KLHL31: variants seen among roughly 807,000 people sequenced by gnomAD.
KLHL31 encodes kelch like family member 31.
Under a neutral mutation model 47.1 loss-of-function variants are expected in KLHL31, and 32 were observed. That is an observed-to-expected ratio of 0.68 (90% confidence interval 0.51 to 0.91). The LOEUF (loss-of-function observed/expected upper bound fraction) is 0.91, where lower values mean the gene tolerates loss of function less well. KLHL31 is among the 40% of genes least tolerant of loss of function. KLHL31 has a pLI of 0.00. For missense variants in KLHL31, 797 were observed against 819.3 expected (o/e 0.97, Z 0.33); for synonymous variants, 330 against 325.1 (o/e 1.01, Z -0.16).
rs759076475 is a variant in KLHL31 at position 53,651,399 on chromosome 6, TAAAA to T, written c.*195_*198del. On this transcript the variant is annotated 3_prime_UTR_variant, in exon 3 of 3. Transcript: ENST00000370905. ...TGTTGGCCATTGCCCTGTATTTTGC[TAAAA>T]AAAAAAAAAAAAAAAAGAGGTAGAT... 55 of 67,474 alleles carry T rather than the reference TAAAA, an allele frequency of 8.2e-4. No homozygotes were observed. The highest frequency in any genetic ancestry group is 3.7e-3 in the East Asian group (7 of 1,872). The allele number at this position is 67,474 out of a possible 1,614,324, so 4.2% of individuals were successfully genotyped here.
chr6:53,664,195 T>G (rs1473722307), intron 1 of KLHL31, among the ~76,000 whole-genome samples: 1 of 152,222 alleles, frequency 6.6e-6, no homozygotes, highest in African/African-American at 2.4e-5. Context: ...CATTTGCATT[T>G]CAGATAAACT....
intron 1 of KLHL31, among the ~76,000 whole-genome samples, chr6:53,663,410 A>G (rs1015004209): frequency 5.3e-5 from 8 of 152,228 alleles, no homozygotes; most frequent in African/African-American, 1.9e-4. Flanking sequence ...TCTTTATCCT[A>G]TTAAGGGTAG....
In KLHL31 at chr6:53,655,088, C is replaced by A. The variant is rs774177167; in HGVS notation, c.185G>T (p.Gly62Val). The change falls in exon 2 of 3, where the codon GGT becomes GTT. Residue 62 changes from glycine (G) to valine (V), a missense_variant. Coordinates refer to ENST00000370905, the MANE Select transcript of KLHL31 (RefSeq NM_001003760.5). ...DASYGPNLLE[G>V]LSKMRQENFL... ...GTTCTCCTGCCGCATTTTACTTAAA[C>A]CTTCCAAGAGGTTGGGGCCATAAGA... 1 of 1,614,024 alleles carries A rather than the reference C, an allele frequency of 6.2e-7. No individual in the cohort carries two copies. Among genetic ancestry groups the A allele is most frequent in the South Asian group, 1.1e-5 (1 of 91,010 alleles).
At chr6:53,662,059 C>G (rs181923123) in intron 1 of KLHL31, among the ~76,000 whole-genome samples, 33 of 152,082 alleles carry the variant, frequency 2.2e-4, no homozygotes, top group African/African-American at 7.7e-4. Context: ...AGCTTGGTAG[C>G]CAGGGTCCAA....
intron 1 of KLHL31, among the ~76,000 whole-genome samples, chr6:53,656,931 CTTTTTTT>C (rs10665063): frequency 1.0e-5 from 1 of 98,438 alleles, no homozygotes; most frequent in Non-Finnish European, 1.9e-5. Flanking sequence ...GTATTTTTAA[CTTTTTTT>C]TTTTTTTTTT....
In KLHL31 at chr6:53,664,882, C is replaced by T. The variant is rs554805448; in HGVS notation, c.-34+719G>A. On this transcript the variant is annotated intron_variant, in intron 1 of 2. Transcript: ENST00000370905. ...CCTCCAGGAATAGAAACCCTCCTGG[C>T]TTCTGTGGCTTGCCATTTTAAGTCC... 3.3e-5 allele frequency among the ~76,000 whole-genome samples: 5 copies of T among 152,284 alleles called. No individual in the cohort carries two copies. The South Asian group carries it at 6.2e-4, about 19-fold the overall frequency.
At chr6:53,653,778 C>T (rs990251268) in intron 2 of KLHL31, among the ~76,000 whole-genome samples, 4 of 152,058 alleles carry the variant, frequency 2.6e-5, no homozygotes, top group African/African-American at 9.7e-5. Flanking sequence ...GTGAAGAGTA[C>T]CCAACTAGAA....
At position 53,654,676 on chromosome 6, in the gene KLHL31, G is replaced by T. The variant is rs1764528983; in HGVS notation, c.597C>A (p.Phe199Leu). 2.5e-6 allele frequency: 4 copies of T among 1,614,144 alleles called. No individual in the cohort carries two copies. Among genetic ancestry groups the T allele is most frequent in the Non-Finnish European group, 3.4e-6 (4 of 1,180,016 alleles). The change falls in exon 2 of 3, where the codon TTC becomes TTA. Residue 199 changes from phenylalanine to leucine, a missense_variant. Coordinates refer to ENST00000370905, the MANE Select transcript of KLHL31 (RefSeq NM_001003760.5). Reference protein sequence around the residue: ...AAAQKFIRDNFLEFAESDQFM... With the variant: ...AAAQKFIRDNLLEFAESDQFM... ...ACTGATCCGATTCTGCAAATTCAAG[G>T]AAGTTATCCCGAATAAATTTCTGGG...
Position 53,649,119 on chromosome 6 carries a change from G to C in KLHL31, c.*2479C>G, listed in dbSNP as rs1359525119. 1 of 152,138 alleles carries C rather than the reference G, an allele frequency of 6.6e-6. No homozygotes were observed. Among genetic ancestry groups the C allele is most frequent in the African/African-American group, 2.4e-5 (1 of 41,448 alleles). 9.4% of individuals were successfully genotyped at this position (152,138 alleles called of 1,614,324 possible). ...GTTTCTAGGAGCAACTGCTTCAATA[G>C]TTGGTGTAAAGAATATGTTTCACTT... On this transcript the variant is annotated 3_prime_UTR_variant, in exon 3 of 3. Transcript: ENST00000370905.
intron 1 of KLHL31, among the ~76,000 whole-genome samples, chr6:53,659,847 GCT>G (rs1764620785): frequency 6.6e-6 from 1 of 152,082 alleles, no homozygotes; most frequent in African/African-American, 2.4e-5. Flanking sequence ...ATCAGTAAAA[GCT>G]CTCTCTCTCC....
At chr6:53,656,251 C>T (rs1764559427) in intron 1 of KLHL31, among the ~76,000 whole-genome samples, 1 of 152,108 alleles carries the variant, frequency 6.6e-6, no homozygotes, top group Admixed American at 6.5e-5. Flanking sequence ...GTTGCTACCT[C>T]TATAAGATAT....
Position 53,654,151 on chromosome 6 carries a change from G to T in KLHL31, c.1122C>A (p.Asp374Glu). Reference protein sequence around the residue: ...DGFLYVAGGEDQNDARNQAKH... With the variant: ...DGFLYVAGGEEQNDARNQAKH... Reference sequence around the variant, plus strand: ...TGGCTTGATTTCTTGCATCATTCTGGTCTTCACCACCGGCTACATAAAGAA... The same window carrying T: ...TGGCTTGATTTCTTGCATCATTCTGTTCTTCACCACCGGCTACATAAAGAA... The change falls in exon 2 of 3, where the codon GAC (aspartate) becomes GAA (glutamate). Residue 374 changes from aspartate to glutamate, a missense_variant. Coordinates refer to ENST00000370905, the MANE Select transcript of KLHL31 (RefSeq NM_001003760.5). 1.9e-6 allele frequency: 3 copies of T among 1,613,372 alleles called. No individual in the cohort carries two copies. The highest frequency in any genetic ancestry group is 2.5e-6 in the Non-Finnish European group (3 of 1,179,692).
chr6:53,654,215 GC>G lies in KLHL31; in HGVS notation c.1057del (p.Ala353ProfsTer10), dbSNP rs1561983904. The G allele has an allele frequency of 1.2e-6, 2 of 1,614,142 alleles. No individual in the cohort carries two copies. Among genetic ancestry groups the G allele is most frequent in the Non-Finnish European group, 1.7e-6 (2 of 1,180,030 alleles). On this transcript the variant is annotated frameshift_variant, in exon 2 of 3. Coordinates refer to ENST00000370905, the MANE Select transcript of KLHL31 (RefSeq NM_001003760.5). LOFTEE classifies it high-confidence loss of function. The stretch of plus-strand genomic sequence containing the variant: ...AGCCACACACTGATTAAAACTTTTG[GC>G]TGGCATTTCCGTAAGCTTGCTCCAT... ...NGWSKLTEMPAKSFNQCVAVM... is the reference protein window; with the variant it reads ...NGWSKLTEMPXKSFNQCVAVM...
In KLHL31 at chr6:53,654,884, G is replaced by C; in HGVS notation, c.389C>G (p.Thr130Ser). 3 of 1,614,174 alleles carry C rather than the reference G, an allele frequency of 1.9e-6. No homozygotes were observed. The highest frequency in any genetic ancestry group is 1.7e-5 in the Admixed American group (1 of 60,036). ...GLATVIAYAY[T>S]GKLTLSLYTI... ...ATACAAGGAGAGAGTGAGCTTTCCA[G>C]TGTAGGCATATGCAATGACAGTGGC... Residue 130 changes from threonine (T) to serine (S), a missense_variant, in exon 2 of 3, where the codon ACT becomes AGT. Physicochemically the swap from Thr to Ser is moderately conservative, Grantham distance 58 (BLOSUM62 1). Transcript: ENST00000370905.
At chr6:53,664,340 C>T (rs76135039) in intron 1 of KLHL31, among the ~76,000 whole-genome samples, 8,090 of 152,226 alleles carry the variant, frequency 0.053, 289 homozygotes, top group East Asian at 0.092. Flanking sequence ...CTGATCAGGG[C>T]TGGGTATCAG....
chr6:53,659,933 T>C lies in KLHL31; in HGVS notation c.-33-4628A>G, dbSNP rs145147193. ...CTGACCTTCATGCTGCTCCTGGTGT[T>C]CCCACTGTTGACTCAGCCCTGGCCT... On this transcript the variant is annotated intron_variant, in intron 1 of 2. Coordinates refer to ENST00000370905, the MANE Select transcript of KLHL31 (RefSeq NM_001003760.5). Among the ~76,000 whole-genome samples the C allele has an allele frequency of 7.9e-5, 12 of 152,296 alleles. No individual in the cohort carries two copies. The East Asian group carries it at 2.3e-3, about 29-fold the overall frequency.
chr6:53,652,053 ACACAGAGCG>A lies in KLHL31; in HGVS notation c.1441_1449del (p.Arg481_Val483del). ...GAGTCGCTGGCCGGGTCGTAGGCGC[ACACAGAGCG>A]CGAGTAGGCGTTGGCTATGTAGCCT... On this transcript the variant is annotated inframe_deletion, in exon 3 of 3. Transcript: ENST00000370905. 1 of 1,595,068 alleles carries A rather than the reference ACACAGAGCG, an allele frequency of 6.3e-7. No individual in the cohort carries two copies. The highest frequency in any genetic ancestry group is 8.5e-7 in the Non-Finnish European group (1 of 1,176,232).
At position 53,654,503 on chromosome 6, in the gene KLHL31, T is replaced by A. The variant is rs150825636; in HGVS notation, c.770A>T (p.Asn257Ile). ...TGCAGAGATGGTACCAAAGCGAATATTGCTCAAAAGATCTGCAGCGTATTT... is the reference window on the plus strand; with the variant it reads ...TGCAGAGATGGTACCAAAGCGAATAATGCTCAAAAGATCTGCAGCGTATTT... ...RVKYAADLLS[N>I]IRFGTISAQD... Residue 257 changes from asparagine (N) to isoleucine (I), a missense_variant, in exon 2 of 3, where the codon AAT becomes ATT. Asn to Ile is a moderately radical substitution (Grantham distance 149). Coordinates refer to ENST00000370905, the MANE Select transcript of KLHL31 (RefSeq NM_001003760.5). 6.2e-7 allele frequency: 1 copy of A among 1,614,236 alleles called. No individual in the cohort carries two copies. Among genetic ancestry groups the A allele is most frequent in the South Asian group, 1.1e-5 (1 of 91,088 alleles).
Position 53,654,351 on chromosome 6 carries a change from G to A in KLHL31, c.922C>T (p.Arg308Ter), listed in dbSNP as rs182861065. 1.2e-5 allele frequency: 20 copies of A among 1,614,156 alleles called. No homozygotes were observed. Among genetic ancestry groups the A allele is most frequent in the Admixed American group, 6.7e-5 (4 of 60,014 alleles). ...PYHQNTLQSR[R>*]TRIRGGCRVL... ...CGGCAGCCACCTCGGATTCTTGTTCGCCTAGATTGCAATGTGTTTTGATGA... is the reference window on the plus strand; with the variant it reads ...CGGCAGCCACCTCGGATTCTTGTTCACCTAGATTGCAATGTGTTTTGATGA... Residue 308 changes from arginine (R) to a stop codon, truncating the protein, a stop_gained, in exon 2 of 3, where the codon CGA becomes TGA. Coordinates refer to ENST00000370905, the MANE Select transcript of KLHL31 (RefSeq NM_001003760.5). LOFTEE classifies it high-confidence loss of function.
Sources: allele counts gnomAD v4.1 joint callset (sites outside exome capture counted in the v4.1 genomes callset), GRCh38; gene constraint gnomAD v4.1.1; transcripts MANE v1.5; gene names NCBI Gene and HGNC (gene_info 2026-07-23, HGNC 2026-07-21).